Variants in MAN2B2 observed in about 807,000 individuals in gnomAD.
The protein encoded by MAN2B2 is epididymis-specific alpha-mannosidase.
In MAN2B2, 106 loss-of-function variants were observed where a neutral mutation model predicts 117.1. The ratio of observed to expected loss-of-function variants is 0.90; its 90% CI spans 0.77 to 1.06. MAN2B2 has a LOEUF of 1.06. Among genes scored for constraint, MAN2B2 ranks in the 50% least tolerant of loss-of-function variants. MAN2B2 has a pLI of 0.00. For synonymous variants in MAN2B2, 544 were observed against 595.1 expected (o/e 0.91, Z 1.25); for missense variants, 1,326 against 1,381.4 (o/e 0.96, Z 0.64).
chr4:6,621,162 T>G, intron 18 of MAN2B2, 26 bp from the exon 19 acceptor site: 1 of 1,578,918 alleles, frequency 6.3e-7, no homozygotes, highest in Non-Finnish European at 8.7e-7. Flanking sequence ...CAGGCCACAC[T>G]GGACAGATCA....
intron 5 of MAN2B2, among the ~76,000 whole-genome samples, chr4:6,591,477 C>T (rs1050671252): frequency 3.9e-5 from 6 of 152,236 alleles, no homozygotes; most frequent in East Asian, 1.9e-4. Context: ...GGGTGCCCTC[C>T]GACTCCTGCA....
chr4:6,576,106 C>T (rs781653296), intron 1 of MAN2B2, among the ~76,000 whole-genome samples: 3 of 152,172 alleles, frequency 2.0e-5, no homozygotes, highest in Non-Finnish European at 4.4e-5. Flanking sequence ...GAGGCAGACG[C>T]CTAGACGCCA....
chr4:6,591,394 C>T (rs931166651), intron 5 of MAN2B2, among the ~76,000 whole-genome samples: 4 of 152,374 alleles, frequency 2.6e-5, no homozygotes, highest in East Asian at 3.9e-4. Context: ...ACACCTTACT[C>T]GCCAAGGCCC....
In MAN2B2 at chr4:6,605,215, G is replaced by C. The variant is rs760614382; in HGVS notation, c.1700G>C (p.Arg567Pro). 6.2e-7 allele frequency: 1 copy of C among 1,614,206 alleles called. No homozygotes were observed. The highest frequency in any genetic ancestry group is 1.1e-5 in the South Asian group (1 of 91,088). The part of the protein sequence containing the change: ...ATVASTLQFG[R>P]RLRRRTSHAG... ...GTGGCGAGCACCCTTCAATTTGGCCGCAGGCTGAGGAGACGCACCAGCCAT... is the reference window on the plus strand; with the variant it reads ...GTGGCGAGCACCCTTCAATTTGGCCCCAGGCTGAGGAGACGCACCAGCCAT... The change falls in exon 11 of 19, where the codon CGC becomes CCC. Residue 567 changes from arginine (R) to proline (P), a missense_variant. Physicochemically the swap from Arg to Pro is moderately radical, Grantham distance 103. Transcript: ENST00000285599.
intron 16 of MAN2B2, 53 bp downstream of exon 16, chr4:6,614,408 C>T (rs1711756086): frequency 6.3e-7 from 1 of 1,594,780 alleles, no homozygotes; most frequent in Non-Finnish European, 8.6e-7. Flanking sequence ...CTGAGTCAAA[C>T]AGGCCACCGG....
intron 10 of MAN2B2, among the ~76,000 whole-genome samples, chr4:6,603,063 C>T (rs558588775): frequency 6.6e-6 from 1 of 152,138 alleles, no homozygotes; most frequent in Admixed American, 6.5e-5. Context: ...CACTCCCCTG[C>T]CTTTGGGAAT....
At chr4:6,578,904 G>A (rs1296757291) in intron 3 of MAN2B2, among the ~76,000 whole-genome samples, 1 of 151,514 alleles carries the variant, frequency 6.6e-6, no homozygotes, top group Non-Finnish European at 1.5e-5. Flanking sequence ...CTCAGTAAGT[G>A]TTTGCTGCCT....
At chr4:6,577,221 C>G (rs1472177994) in intron 2 of MAN2B2, among the ~76,000 whole-genome samples, 1 of 152,184 alleles carries the variant, frequency 6.6e-6, no homozygotes, top group African/African-American at 2.4e-5. Flanking sequence ...TGGGTCCCAT[C>G]CTGCTCCCGC....
At chr4:6,586,941 C>A in intron 3 of MAN2B2, 55 bp from the exon 4 acceptor site, 1 of 1,554,558 alleles carries the variant, frequency 6.4e-7, no homozygotes, top group Non-Finnish European at 8.8e-7. Flanking sequence ...GAGGATGGGG[C>A]CGGGAGGCAC....
chr4:6,598,443 A>G (rs1727196073), intron 9 of MAN2B2, 89 bp downstream of exon 9: 4 of 1,389,728 alleles, frequency 2.9e-6, no homozygotes, highest in African/African-American at 1.4e-5. Flanking sequence ...CCCCAGCTTC[A>G]GACTCTGAGT....
rs115009348 is a variant in MAN2B2 at position 6,581,807 on chromosome 4, C to T, written c.391+3309C>T. Among the ~76,000 whole-genome samples the T allele has an allele frequency of 7.4e-3, 1,122 of 151,812 alleles. 14 individuals carry two copies. The highest frequency in any genetic ancestry group is 0.025 in the African/African-American group (1,039 of 41,312). On this transcript the variant is annotated intron_variant, in intron 3 of 18. Transcript: ENST00000285599. ...CAGGGCCTGGGGCACTGGGCCTGCC[C>T]GTAAGCTCACCTTTCCAGCCTTTAC...
intron 10 of MAN2B2, among the ~76,000 whole-genome samples, chr4:6,603,478 G>A (rs1727413986): frequency 6.6e-6 from 1 of 152,126 alleles, no homozygotes; most frequent in African/African-American, 2.4e-5. Context: ...GACCGAGGAG[G>A]AGTTTGTCCA....
chr4:6,589,230 G>A, intron 5 of MAN2B2, 70 bp downstream of exon 5: 5 of 1,244,236 alleles, frequency 4.0e-6, no homozygotes, highest in South Asian at 2.5e-5. Flanking sequence ...CAGCTGTTCT[G>A]CAGTTTTGTT....
intron 3 of MAN2B2, among the ~76,000 whole-genome samples, chr4:6,584,555 G>A (rs1726560132): frequency 6.6e-6 from 1 of 152,214 alleles, no homozygotes; most frequent in Non-Finnish European, 1.5e-5. Context: ...CGTCTATAAG[G>A]TGCTCCTGAA....
At chr4:6,597,420 G>C in intron 8 of MAN2B2, 117 bp downstream of exon 8, 1 of 1,148,228 alleles carries the variant, frequency 8.7e-7, no homozygotes, top group South Asian at 1.7e-5. Context: ...ACTTTACAGA[G>C]GGGAAACTGA....
At chr4:6,600,840 G>A in intron 10 of MAN2B2, 84 bp downstream of exon 10, 1 of 1,509,150 alleles carries the variant, frequency 6.6e-7, no homozygotes, top group East Asian at 2.3e-5. Context: ...TTCTGACCCT[G>A]CAAGGGAGGC....
In MAN2B2 at chr4:6,578,314, C is replaced by T. The variant is rs766363359; in HGVS notation, c.286-79C>T. The T allele has an allele frequency of 3.4e-4, 353 of 1,039,800 alleles. 1 individual carries two copies. Among genetic ancestry groups the T allele is most frequent in the Middle Eastern group, 1.6e-3 (8 of 4,976 alleles). The allele number at this position is 1,039,800 out of a possible 1,614,324, so 64.4% of individuals were successfully genotyped here. A position where few individuals can be genotyped will look rare whatever the true frequency, so the allele number is the denominator to read the frequency against. On this transcript the variant is annotated intron_variant, in intron 2 of 18. Coordinates refer to ENST00000285599, the MANE Select transcript of MAN2B2 (RefSeq NM_015274.3). ...AGTTTTATGCAGGGCGTGTGTGGCG[C>T]TGTAGGTGTGTTCCCCACAGACCCA...
At chr4:6,621,062 A>C (rs1487582684) in intron 18 of MAN2B2, 126 bp from the exon 19 acceptor site, 1 of 656,558 alleles carries the variant, frequency 1.5e-6, no homozygotes. Flanking sequence ...CAGATTGTAG[A>C]CAGGTGCAGG....
Position 6,609,939 on chromosome 4 carries a change from C to T in MAN2B2, c.2148C>T (p.Val716=), listed in dbSNP as rs1033114558. 2 of 1,614,060 alleles carry T rather than the reference C, an allele frequency of 1.2e-6. No homozygotes were observed. Among genetic ancestry groups the T allele is most frequent in the Non-Finnish European group, 1.7e-6 (2 of 1,180,050 alleles). ...AGPLELNREA[V]LRTSTNLNSQ... ...CCCTGGAGCTGAACCGTGAGGCTGT[C>T]CTGAGGACCAGCACCAACCTAAACA... The change falls in exon 13 of 19, where the codon GTC becomes GTT. Residue 716 remains valine (V), a synonymous_variant. Transcript: ENST00000285599.
Sources: gnomAD v4.1 joint callset for allele counts (sites outside exome capture counted in the v4.1 genomes callset) on GRCh38, gnomAD v4.1.1 for gene constraint, MANE v1.5 for transcripts, NCBI Gene and HGNC (gene_info 2026-07-23, HGNC 2026-07-21) for gene names.